Variants in CLCN3 observed in about 807,000 individuals in gnomAD.
CLCN3 encodes the protein H(+)/Cl(-) exchange transporter 3.
CLCN3 carries 16 observed loss-of-function variants against 83.4 expected under a neutral mutation model. That is an observed-to-expected ratio of 0.19 (90% CI 0.13 to 0.29). CLCN3 has a LOEUF of 0.29. Among genes scored for constraint, CLCN3 ranks in the 10% least tolerant of loss-of-function variants. The probability of loss-of-function intolerance (pLI) is 1.00; values close to 1 mark genes in which losing one functional copy is unlikely to be tolerated. For synonymous variants in CLCN3, 322 were observed against 346.2 expected (o/e 0.93, Z 0.78); for missense variants, 544 against 1,006.0 (o/e 0.54, Z 6.21).
chr4:169,692,778 G>A (rs1387362464), intron 7 of CLCN3, among the ~76,000 whole-genome samples: 2 of 152,184 alleles, frequency 1.3e-5, no homozygotes, highest in Non-Finnish European at 2.9e-5. Flanking sequence ...GGGAAGTTCT[G>A]AGGGCCTTTA....
At chr4:169,627,584 TAATA>T (rs1312651966) in intron 1 of CLCN3, among the ~76,000 whole-genome samples, 1 of 152,098 alleles carries the variant, frequency 6.6e-6, no homozygotes, top group Non-Finnish European at 1.5e-5. Context: ...TCAAATAAAT[TAATA>T]AATGACTCCA....
chr4:169,718,939 G>C (rs1464132610), intron 12 of CLCN3, among the ~76,000 whole-genome samples: 1 of 152,116 alleles, frequency 6.6e-6, no homozygotes, highest in Non-Finnish European at 1.5e-5. Context: ...TTTCATAAAA[G>C]CACTGTATCT....
At chr4:169,666,777 C>T (rs753523554) in intron 2 of CLCN3, among the ~76,000 whole-genome samples, 9 of 152,302 alleles carry the variant, frequency 5.9e-5, no homozygotes, top group East Asian at 1.9e-4. Context: ...TACTTGCTAG[C>T]GGTGTGACCT....
At chr4:169,692,347 C>T in intron 7 of CLCN3, 27 bp downstream of exon 7, 1 of 1,221,284 alleles carries the variant, frequency 8.2e-7, no homozygotes, top group African/African-American at 1.5e-5. Flanking sequence ...GTTAATTTGA[C>T]TGAAAAATAT....
chr4:169,717,746 T>C, intron 12 of CLCN3: 2 of 1,262,036 alleles, frequency 1.6e-6, no homozygotes, highest in South Asian at 1.3e-5. Flanking sequence ...GGAAACTCTT[T>C]TAATTTAATT....
At chr4:169,684,591 G>A (rs1732081891) in intron 3 of CLCN3, among the ~76,000 whole-genome samples, 2 of 152,094 alleles carry the variant, frequency 1.3e-5, no homozygotes, top group Admixed American at 6.6e-5. Context: ...AGCAAACCTG[G>A]AATCAGCCAT....
In CLCN3 at chr4:169,721,067, ATCAG is replaced by A. The variant is rs1223748593; in HGVS notation, c.*1074_*1077del. 1.3e-5 allele frequency: 2 copies of A among 152,382 alleles called. No individual in the cohort carries two copies. Among genetic ancestry groups the A allele is most frequent in the African/African-American group, 4.8e-5 (2 of 41,470 alleles). The allele number at this position is 152,382 out of a possible 1,614,324, so 9.4% of individuals were successfully genotyped here. On this transcript the variant is annotated 3_prime_UTR_variant, in exon 13 of 13. Transcript: ENST00000513761. ...CTGGAATTTTTAAAATTGAAATTAG[ATCAG>A]TCATTCTTTTCTTTTCTCAAGATAT... is the stretch of plus-strand genomic sequence containing the variant.
rs1034458512 is a variant in CLCN3, at chr4:169,721,150, A to T, written c.*1153A>T. 3 of 152,038 alleles carry T rather than the reference A, an allele frequency of 2.0e-5. No individual in the cohort carries two copies. The highest frequency in any genetic ancestry group is 7.2e-5 in the African/African-American group (3 of 41,380). The allele number at this position is 152,038 out of a possible 1,614,324, so 9.4% of individuals were successfully genotyped here. On this transcript the variant is annotated 3_prime_UTR_variant, in exon 13 of 13. Transcript: ENST00000513761. ...AATTCATAACTTGCACTAAATGTATATTTTTTTTCTTAAAAATTTACCATT... is the reference window on the plus strand; with the variant it reads ...AATTCATAACTTGCACTAAATGTATTTTTTTTTTCTTAAAAATTTACCATT...
At chr4:169,625,056 G>T (rs1773198304) in intron 1 of CLCN3, among the ~76,000 whole-genome samples, 1 of 152,200 alleles carries the variant, frequency 6.6e-6, no homozygotes, top group Non-Finnish European at 1.5e-5. Flanking sequence ...CTCCCAAAGT[G>T]CTGGAATTAC....
intron 2 of CLCN3, among the ~76,000 whole-genome samples, chr4:169,677,260 G>T (rs1731716722): frequency 6.6e-6 from 1 of 152,110 alleles, no homozygotes; most frequent in Non-Finnish European, 1.5e-5. Context: ...GAAGTCTTCA[G>T]TTGTAAAGTC....
chr4:169,694,372 G>C (rs28503547), intron 7 of CLCN3, among the ~76,000 whole-genome samples: 11,528 of 152,190 alleles, frequency 0.076, 1,413 homozygotes, highest in African/African-American at 0.26. Context: ...CAGCTAGTAA[G>C]TAGCAGAGCC....
At chr4:169,638,590 T>C in intron 2 of CLCN3, among the ~76,000 whole-genome samples, 1 of 152,238 alleles carries the variant, frequency 6.6e-6, no homozygotes, top group East Asian at 1.9e-4. Context: ...TTTCTGTGTT[T>C]AAATAGCTCT....
Position 169,697,620 on chromosome 4 carries a change from TGTC to T in CLCN3, c.1451_1453del (p.Val484del), listed in dbSNP as rs1354735317. ...GAAATGACATGAATGCCAGTAAAAT[TGTC>T]GATGACATTCCTGATCGTCCAGCAG... is the stretch of plus-strand genomic sequence containing the variant. On this transcript the variant is annotated inframe_deletion, in exon 9 of 13. Transcript: ENST00000513761. The T allele has an allele frequency of 6.2e-7, 1 of 1,614,170 alleles. No individual in the cohort carries two copies. Among genetic ancestry groups the T allele is most frequent in the Admixed American group, 1.7e-5 (1 of 60,032 alleles).
At chr4:169,639,389 T>C (rs78293843) in intron 2 of CLCN3, among the ~76,000 whole-genome samples, 131 of 152,252 alleles carry the variant, frequency 8.6e-4, no homozygotes, top group Non-Finnish European at 1.0e-3. Context: ...AAGGTATAAG[T>C]TGTGGAGTAG....
In CLCN3 at chr4:169,696,003, A is replaced by T. The variant is rs56917743; in HGVS notation, c.1017+311A>T. Among the ~76,000 whole-genome samples, 31 of 152,202 alleles carry T rather than the reference A, an allele frequency of 2.0e-4. No homozygotes were observed. The East Asian group carries it at 3.3e-3, about 16-fold the overall frequency. On this transcript the variant is annotated intron_variant, in intron 8 of 12. Transcript: ENST00000513761. ...AGGACATGTGAAACAATCTATTTCC[A>T]TTGGCTAAATTCTGTATTTTTAGTA... is the stretch of plus-strand genomic sequence containing the variant.
intron 1 of CLCN3, among the ~76,000 whole-genome samples, chr4:169,628,860 C>T (rs1773298527): frequency 6.6e-6 from 1 of 152,168 alleles, no homozygotes. Flanking sequence ...TTTGTAGCAG[C>T]TTTATTCATA....
chr4:169,720,292 G>A lies in CLCN3; in HGVS notation c.*295G>A, dbSNP rs1410704846. The A allele has an allele frequency of 4.4e-6, 2 of 454,098 alleles. No individual in the cohort carries two copies. The highest frequency in any genetic ancestry group is 4.0e-5 in the African/African-American group (2 of 50,170). 28.1% of individuals were successfully genotyped at this position (454,098 alleles called of 1,614,324 possible). A position where few individuals can be genotyped will look rare whatever the true frequency, so the allele number is the denominator to read the frequency against. On this transcript the variant is annotated 3_prime_UTR_variant, in exon 13 of 13. Coordinates refer to ENST00000513761, the MANE Select transcript of CLCN3 (RefSeq NM_001829.4). Reference sequence around the variant, plus strand: ...GATGCATTCAGCTGAGGATGTGCCTGATAGTGCAGGCTTGCGCCTCAACAG... The same window carrying A: ...GATGCATTCAGCTGAGGATGTGCCTAATAGTGCAGGCTTGCGCCTCAACAG...
Position 169,620,915 on chromosome 4 carries a change from G to T in CLCN3, c.-165G>T, listed in dbSNP as rs889083014. The T allele has an allele frequency of 2.5e-6, 1 of 398,350 alleles. No individual in the cohort carries two copies. Among genetic ancestry groups the T allele is most frequent in the African/African-American group, 2.1e-5 (1 of 48,584 alleles). The allele number at this position is 398,350 out of a possible 1,614,324, so 24.7% of individuals were successfully genotyped here. ...TAACCTCTGCGGTAGAAAACGTCAG[G>T]TATCTTTTAAATCGCGATAGTTTTC... On this transcript the variant is annotated 5_prime_UTR_variant, in exon 1 of 13. Coordinates refer to ENST00000513761, the MANE Select transcript of CLCN3 (RefSeq NM_001829.4).
At chr4:169,697,138 C>A in intron 8 of CLCN3, 51 bp from the exon 9 acceptor site, 1 of 1,291,018 alleles carries the variant, frequency 7.7e-7, no homozygotes, top group Non-Finnish European at 1.1e-6. Flanking sequence ...ATATCAGAAA[C>A]ATCTTATAAA....
Sources: allele counts gnomAD v4.1 joint callset (sites outside exome capture counted in the v4.1 genomes callset), GRCh38; gene constraint gnomAD v4.1.1; transcripts MANE v1.5; gene names NCBI Gene and HGNC (gene_info 2026-07-23, HGNC 2026-07-21).